Variants in ATP8A2 observed in about 807,000 individuals in gnomAD.
ATP8A2 encodes phospholipid-transporting ATPase IB.
In ATP8A2, 100 loss-of-function variants were observed where a neutral mutation model predicts 165.6. The ratio of observed to expected loss-of-function variants is 0.60; its 90% CI spans 0.51 to 0.71. The LOEUF (loss-of-function observed/expected upper bound fraction) is 0.71, where lower values mean the gene tolerates loss of function less well. Among genes scored for constraint, ATP8A2 ranks in the 30% least tolerant of loss-of-function variants. The pLI is 0.00. For synonymous variants in ATP8A2, 543 were observed against 548.8 expected, an observed-to-expected ratio of 0.99 and a Z score of 0.15; for missense variants, 1,227 against 1,479.5, an observed-to-expected ratio of 0.83 and a Z score of 2.80.
intron 27 of ATP8A2, among the ~76,000 whole-genome samples, chr13:25,823,876 T>C (rs1368885151): frequency 6.6e-6 from 1 of 152,170 alleles, no homozygotes; most frequent in Non-Finnish European, 1.5e-5. Flanking sequence ...AATACATCTT[T>C]TTGGGAATTT....
At chr13:26,006,857 G>C (rs1011538365) in intron 35 of ATP8A2, among the ~76,000 whole-genome samples, 1 of 151,182 alleles carries the variant, frequency 6.6e-6, no homozygotes, top group Non-Finnish European at 1.5e-5. Context: ...TGCATTCCAG[G>C]GATAAATCTC....
chr13:25,572,760 A>C (rs1389268851), intron 18 of ATP8A2, among the ~76,000 whole-genome samples: 1 of 152,298 alleles, frequency 6.6e-6, no homozygotes, highest in East Asian at 1.9e-4. Context: ...TTTGGGGAAG[A>C]CGCAGGGATT....
intron 27 of ATP8A2, among the ~76,000 whole-genome samples, chr13:25,783,602 G>C (rs542748478): frequency 1.3e-5 from 2 of 152,170 alleles, no homozygotes; most frequent in South Asian, 4.1e-4. Flanking sequence ...CTTTACAGGC[G>C]TGGTAGGGTA....
chr13:25,451,810 G>A (rs934265046), intron 1 of ATP8A2, among the ~76,000 whole-genome samples: 1 of 151,396 alleles, frequency 6.6e-6, no homozygotes, highest in Non-Finnish European at 1.5e-5. Context: ...GAGTTTAAAA[G>A]GGGAAAAGGT....
chr13:25,969,661 A>T (rs986365513), intron 35 of ATP8A2, among the ~76,000 whole-genome samples: 1 of 152,344 alleles, frequency 6.6e-6, no homozygotes, highest in South Asian at 2.1e-4. Context: ...AATTTCAAAC[A>T]GATTTTAGAA....
At chr13:25,969,664 T>C (rs936576557) in intron 35 of ATP8A2, among the ~76,000 whole-genome samples, 1 of 152,196 alleles carries the variant, frequency 6.6e-6, no homozygotes, top group Non-Finnish European at 1.5e-5. Context: ...TTCAAACAGA[T>C]TTTAGAAAAG....
intron 24 of ATP8A2, among the ~76,000 whole-genome samples, chr13:25,638,793 A>T (rs1396316680): frequency 6.6e-6 from 1 of 152,136 alleles, no homozygotes; most frequent in African/African-American, 2.4e-5. Context: ...CAACCCCAAG[A>T]CACATAATTG....
At chr13:25,998,518 C>G (rs1325916909) in intron 35 of ATP8A2, among the ~76,000 whole-genome samples, 2 of 152,144 alleles carry the variant, frequency 1.3e-5, no homozygotes, top group South Asian at 4.2e-4. Context: ...TGCCCCTTTC[C>G]TGTTCCTTTG....
At chr13:25,482,852 A>G (rs2036246038) in intron 2 of ATP8A2, among the ~76,000 whole-genome samples, 1 of 152,140 alleles carries the variant, frequency 6.6e-6, no homozygotes, top group African/African-American at 2.4e-5. Context: ...GCCTTCCACC[A>G]TGATTGTGAG....
rs2035646028 is a variant in ATP8A2 at position 25,465,755 on chromosome 13, C to CTCTT, written c.77-3219_77-3218insTTCT. ...TCTTTCTTTCCCTCCCTCCCTCTCT[C>CTCTT]TCTCTCTTTCTCTCTTTCTCTCTTT... is the stretch of plus-strand genomic sequence containing the variant. On this transcript the variant is annotated intron_variant, in intron 1 of 36. Coordinates refer to ENST00000381655, the MANE Select transcript of ATP8A2 (RefSeq NM_016529.6). Among the ~76,000 whole-genome samples, 2 of 11,846 alleles carry CTCTT rather than the reference C, an allele frequency of 1.7e-4. 1 individual carries two copies. Among genetic ancestry groups the CTCTT allele is most frequent in the African/African-American group, 3.3e-4 (2 of 6,062 alleles). The allele number at this position is 11,846 out of a possible 152,430, so 7.8% of individuals were successfully genotyped here.
At chr13:25,495,956 A>G (rs961543382) in intron 2 of ATP8A2, among the ~76,000 whole-genome samples, 2 of 152,150 alleles carry the variant, frequency 1.3e-5, no homozygotes, top group Non-Finnish European at 2.9e-5. Flanking sequence ...TACAGGCAGC[A>G]CTAACTGAGC....
In ATP8A2 at chr13:25,382,255, A is replaced by G. The variant is rs76258301; in HGVS notation, c.76+9967A>G. 8.5e-3 allele frequency among the ~76,000 whole-genome samples: 1,298 copies of G among 152,324 alleles called. 11 individuals carry two copies. The highest frequency in any genetic ancestry group is 0.029 in the African/African-American group (1,206 of 41,576). On this transcript the variant is annotated intron_variant, in intron 1 of 36. Transcript: ENST00000381655. ...ATTTAACATTCCCCCATGTCATTTC[A>G]TGGCTTGATAGCTCATTTCTTTTTA...
chr13:25,546,117 G>T (rs545367657), intron 10 of ATP8A2, among the ~76,000 whole-genome samples: 1 of 151,892 alleles, frequency 6.6e-6, no homozygotes, highest in Admixed American at 6.6e-5. Flanking sequence ...GCATACATTG[G>T]TAATATAGCT....
In ATP8A2 at chr13:25,802,158, C is replaced by T. The variant is rs138624852; in HGVS notation, c.2680-25960C>T. Among the ~76,000 whole-genome samples the T allele has an allele frequency of 4.1e-3, 626 of 152,280 alleles. 4 individuals are homozygous for T. The highest frequency in any genetic ancestry group is 0.014 in the African/African-American group (598 of 41,564). On this transcript the variant is annotated intron_variant, in intron 27 of 36. Coordinates refer to ENST00000381655, the MANE Select transcript of ATP8A2 (RefSeq NM_016529.6). The stretch of plus-strand genomic sequence containing the variant: ...CAGAACTTTAAAAAGTTTTGCCTTG[C>T]AGAAAACAGTTCCTATTATTGTTAC...
At chr13:25,464,221 G>A (rs1050344996) in intron 1 of ATP8A2, among the ~76,000 whole-genome samples, 6 of 152,124 alleles carry the variant, frequency 3.9e-5, no homozygotes, top group African/African-American at 1.2e-4. Context: ...TGATCTACAG[G>A]TGAATAGGAA....
At chr13:25,657,039 C>G (rs554136487) in intron 24 of ATP8A2, among the ~76,000 whole-genome samples, 3 of 101,932 alleles carry the variant, frequency 2.9e-5, no homozygotes, top group African/African-American at 1.2e-4. Context: ...GGTGACAGAT[C>G]GAGACTCTGT....
intron 24 of ATP8A2, among the ~76,000 whole-genome samples, chr13:25,591,737 C>T (rs746790628): frequency 3.3e-5 from 5 of 152,120 alleles, no homozygotes; most frequent in Non-Finnish European, 5.9e-5. Context: ...CATGCGCCAC[C>T]ATGCCTGGCT....
intron 24 of ATP8A2, among the ~76,000 whole-genome samples, chr13:25,601,135 A>G (rs527389542): frequency 1.3e-4 from 20 of 152,312 alleles, no homozygotes; most frequent in African/African-American, 4.8e-4. Context: ...AAGGGTCAAG[A>G]CAACATCTGG....
At chr13:25,968,845 AC>A (rs1355867851) in intron 35 of ATP8A2, among the ~76,000 whole-genome samples, 166 bp downstream of exon 35, 4 of 152,134 alleles carry the variant, frequency 2.6e-5, no homozygotes, top group Non-Finnish European at 5.9e-5. Context: ...CTCAGTGACT[AC>A]ATGAAACCTA....
Sources: gnomAD v4.1 joint callset for allele counts (sites outside exome capture counted in the v4.1 genomes callset) on GRCh38, gnomAD v4.1.1 for gene constraint, MANE v1.5 for transcripts, NCBI Gene and HGNC (gene_info 2026-07-23, HGNC 2026-07-21) for gene names.